The following FBXO17 variants were observed in gnomAD, a reference collection of about 807,000 sequenced individuals.
FBXO17 encodes the protein F-box only protein 17.
Under a neutral mutation model 34.1 loss-of-function variants are expected in FBXO17, and 43 were observed. The observed-to-expected ratio is 1.26, with a 90% CI of 0.99 to 1.62. The LOEUF is 1.62. Among genes scored for constraint, FBXO17 ranks in the 40% most tolerant of loss-of-function variants. The pLI, the probability that FBXO17 is intolerant of heterozygous loss-of-function variation, is 0.00. For missense variants in FBXO17, 424 were observed against 386.7 expected (o/e 1.10, Z -0.81); for synonymous variants, 169 against 166.0 (o/e 1.02, Z -0.14).
intron 1 of FBXO17, among the ~76,000 whole-genome samples, chr19:38,954,461 G>A (rs892933397): frequency 6.6e-6 from 1 of 151,434 alleles, no homozygotes; most frequent in Non-Finnish European, 1.5e-5. Flanking sequence ...GTAGAGACAG[G>A]GTTTCACCAT....
rs1018096543 is a variant in FBXO17 at position 38,946,724 on chromosome 19, A to G, written c.462-157T>C. On this transcript the variant is annotated intron_variant, in intron 3 of 5. Transcript: ENST00000292852. The stretch of plus-strand genomic sequence containing the variant: ...CCTGAAGATGCATGATGGGCTATAC[A>G]TCTCTCCTTGGCCTCTTGGAGTCCC... The G allele has an allele frequency of 2.8e-5, 30 of 1,060,778 alleles. No homozygotes were observed. The East Asian group carries it at 6.8e-4, about 24-fold the overall frequency. The allele number at this position is 1,060,778 out of a possible 1,614,324, so 65.7% of individuals were successfully genotyped here.
intron 1 of FBXO17, among the ~76,000 whole-genome samples, chr19:38,955,302 C>T (rs1975151840): frequency 6.6e-6 from 1 of 152,054 alleles, no homozygotes; most frequent in South Asian, 2.1e-4. Flanking sequence ...GATCATGGCT[C>T]ACTGCAGCCT....
At chr19:38,945,986 G>A (rs1974977553) in intron 4 of FBXO17, 2 of 185,288 alleles carry the variant, frequency 1.1e-5, no homozygotes, top group Non-Finnish European at 2.3e-5. Context: ...GAAGAGACCA[G>A]ATTTTCTATG....
chr19:38,956,882 A>C (rs1975174307), intron 1 of FBXO17, among the ~76,000 whole-genome samples: 1 of 152,070 alleles, frequency 6.6e-6, no homozygotes, highest in East Asian at 1.9e-4. Context: ...ATAAATAAAT[A>C]AAATAGTTGC....
intron 4 of FBXO17, chr19:38,946,243 AC>A (rs1974981106): frequency 1.5e-6 from 1 of 688,722 alleles, no homozygotes. Flanking sequence ...CCTGTGGACC[AC>A]CCCAGCCTGC....
Position 38,946,462 on chromosome 19 carries a change from C to T in FBXO17, c.557+10G>A, listed in dbSNP as rs771322209. On this transcript the variant is annotated intron_variant, in intron 4 of 5. Transcript: ENST00000292852. Reference sequence around the variant, plus strand: ...TGCTGCTCTGGGGCAGGGTGCCGCTCCTCACTCACCAGTCAGCCACACAGA... The same window carrying T: ...TGCTGCTCTGGGGCAGGGTGCCGCTTCTCACTCACCAGTCAGCCACACAGA... 3.1e-6 allele frequency: 5 copies of T among 1,613,822 alleles called. No homozygotes were observed. The highest frequency in any genetic ancestry group is 3.3e-5 in the Admixed American group (2 of 59,980).
chr19:38,968,799 G>T (rs895868923), intron 1 of FBXO17, among the ~76,000 whole-genome samples: 2 of 152,114 alleles, frequency 1.3e-5, no homozygotes, highest in Admixed American at 1.3e-4. Context: ...GATGCAAAAG[G>T]ACACATATTA....
chr19:38,955,480 CTTTCTTT>C (rs1418787533), intron 1 of FBXO17, among the ~76,000 whole-genome samples: 1 of 144,482 alleles, frequency 6.9e-6, no homozygotes, highest in East Asian at 2.1e-4. Flanking sequence ...CATTTTCTTT[CTTTCTTT>C]TTTTTTTTTT....
intron 1 of FBXO17, among the ~76,000 whole-genome samples, chr19:38,957,689 T>C (rs1975187530): frequency 6.6e-6 from 1 of 152,104 alleles, no homozygotes; most frequent in African/African-American, 2.4e-5. Context: ...AAAAGGAGGA[T>C]CTCTGGGGCT....
Position 38,966,621 on chromosome 19 carries a change from T to C in FBXO17, c.-18+8965A>G, listed in dbSNP as rs1018963599. Among the ~76,000 whole-genome samples the C allele has an allele frequency of 9.2e-5, 14 of 152,230 alleles. No homozygotes were observed. In the East Asian group the frequency reaches 2.3e-3, roughly 25 times the overall value. On this transcript the variant is annotated intron_variant, in intron 1 of 5. Coordinates refer to ENST00000292852, the MANE Select transcript of FBXO17 (RefSeq NM_024907.7). The stretch of plus-strand genomic sequence containing the variant: ...GAAAAAGAAATCCAAAGAAATGGAT[T>C]GGATGAGTTACTAACAGAAAAACGC...
chr19:38,945,158 T>C, intron 4 of FBXO17, 54 bp from the exon 5 acceptor site: 1 of 1,605,606 alleles, frequency 6.2e-7, no homozygotes, highest in Non-Finnish European at 8.5e-7. Context: ...GCTCTCTGGG[T>C]TTCGGGGCGG....
intron 1 of FBXO17, among the ~76,000 whole-genome samples, chr19:38,952,286 C>A (rs777589120): frequency 6.6e-6 from 1 of 152,200 alleles, no homozygotes; most frequent in Non-Finnish European, 1.5e-5. Flanking sequence ...AAACCTCAGT[C>A]GGGTTACAGA....
At chr19:38,955,376 G>A (rs1422551597) in intron 1 of FBXO17, among the ~76,000 whole-genome samples, 2 of 152,134 alleles carry the variant, frequency 1.3e-5, no homozygotes, top group Non-Finnish European at 2.9e-5. Flanking sequence ...TTAGAGGCAT[G>A]AGTCACCGCA....
intron 1 of FBXO17, among the ~76,000 whole-genome samples, chr19:38,967,760 CT>C (rs1394243710): frequency 2.6e-5 from 4 of 151,940 alleles, no homozygotes; most frequent in Admixed American, 2.6e-4. Flanking sequence ...AGAGATGGGT[CT>C]TCCTATATTG....
intron 1 of FBXO17, among the ~76,000 whole-genome samples, chr19:38,960,440 C>G (rs866227349): frequency 1.3e-5 from 2 of 152,122 alleles, no homozygotes; most frequent in African/African-American, 4.8e-5. Context: ...GAGACCCGAA[C>G]AGCTGGCGCT....
intron 1 of FBXO17, among the ~76,000 whole-genome samples, chr19:38,960,465 C>G (rs1975232025): frequency 1.3e-5 from 2 of 152,034 alleles, no homozygotes; most frequent in Non-Finnish European, 2.9e-5. Context: ...AGACATTTCT[C>G]TCTATTTTCA....
At chr19:38,950,480 C>T in intron 1 of FBXO17, 144 bp from the exon 2 acceptor site, 2 of 1,192,662 alleles carry the variant, frequency 1.7e-6, no homozygotes, top group Admixed American at 3.9e-5. Context: ...CCTCTCTGAT[C>T]CTAGGCCTTT....
At chr19:38,947,576 G>T (rs1975003858) in intron 3 of FBXO17, among the ~76,000 whole-genome samples, 1 of 152,068 alleles carries the variant, frequency 6.6e-6, no homozygotes. Flanking sequence ...AACAAAATGA[G>T]ACTCTATCTC....
intron 4 of FBXO17, chr19:38,945,398 G>GGGAGGAGTCTGGGTGGTCCTGGA: frequency 2.2e-6 from 1 of 454,862 alleles, no homozygotes; most frequent in African/African-American, 2.2e-5. Context: ...GTGACCCTGG[G>GGGAGGAGTCTGGGTGGTCCTGGA]GTGGAGCCAG....
Sources: gnomAD v4.1 joint callset for allele counts (sites outside exome capture counted in the v4.1 genomes callset) on GRCh38, gnomAD v4.1.1 for gene constraint, MANE v1.5 for transcripts, NCBI Gene and HGNC (gene_info 2026-07-23, HGNC 2026-07-21) for gene names.